The following CPEB1 variants were observed in gnomAD, a reference collection of about 807,000 sequenced individuals.
CPEB1 encodes cytoplasmic polyadenylation element-binding protein 1.
CPEB1 carries 7 observed loss-of-function variants against 65.8 expected under a neutral mutation model. That is an observed-to-expected ratio of 0.11 (90% confidence interval 0.06 to 0.20). The LOEUF is 0.20. CPEB1 is among the 10% of genes least tolerant of loss of function. CPEB1 has a pLI of 1.00. For synonymous variants in CPEB1, 262 were observed against 260.0 expected (o/e 1.01, Z -0.08); for missense variants, 551 against 712.2 (o/e 0.77, Z 2.58).
chr15:82,581,478 C>T (rs1315918291), intron 3 of CPEB1, among the ~76,000 whole-genome samples: 1 of 152,142 alleles, frequency 6.6e-6, no homozygotes, highest in Non-Finnish European at 1.5e-5. Context: ...AGGAGAATTG[C>T]TGGATCATAT....
At chr15:82,644,020 G>T (rs898972854) in intron 1 of CPEB1, among the ~76,000 whole-genome samples, 1 of 152,160 alleles carries the variant, frequency 6.6e-6, no homozygotes, top group African/African-American at 2.4e-5. Flanking sequence ...CTGAAAAAAA[G>T]GAGCCTTTTG....
At position 82,618,399 on chromosome 15, in the gene CPEB1, GTA is replaced by G. The variant is rs142735331; in HGVS notation, c.271+8792_271+8793del. On this transcript the variant is annotated intron_variant, in intron 3 of 12. Coordinates refer to ENST00000684509, the MANE Select transcript of CPEB1 (RefSeq NM_001365242.1). ...TGACAAATGCACAATACGTATGTAT[GTA>G]TATATGAGACAGAATATGTATATTC... 8.0e-3 allele frequency among the ~76,000 whole-genome samples: 1,211 copies of G among 152,264 alleles called. 18 individuals carry two copies. Among genetic ancestry groups the G allele is most frequent in the African/African-American group, 0.027 (1,109 of 41,546 alleles).
chr15:82,577,606 C>G (rs2040804804), intron 3 of CPEB1, among the ~76,000 whole-genome samples: 1 of 152,060 alleles, frequency 6.6e-6, no homozygotes, highest in Non-Finnish European at 1.5e-5. Flanking sequence ...GACTAGACTT[C>G]CAGGTTTAAG....
Position 82,553,552 on chromosome 15 carries a change from T to C in CPEB1, c.1059A>G (p.Gly353=), listed in dbSNP as rs201454242. Reference sequence around the variant, plus strand: ...CAAAAACACGGAAGGTGTTAACTAATCCAGCTGCAAAGAGACAGAAAAGAA... The same window carrying C: ...CAAAAACACGGAAGGTGTTAACTAACCCAGCTGCAAAGAGACAGAAAAGAA... ...GGVPWDITEA[G]LVNTFRVFGS... The change falls in exon 8 of 13, where the codon GGA becomes GGG. Residue 353 remains glycine (G), a synonymous_variant. Coordinates refer to ENST00000684509, the MANE Select transcript of CPEB1 (RefSeq NM_001365242.1). The C allele has an allele frequency of 4.0e-5, 65 of 1,610,392 alleles. No individual in the cohort carries two copies. Among genetic ancestry groups the C allele is most frequent in the Admixed American group, 6.7e-5 (4 of 59,750 alleles).
At chr15:82,646,108 C>T (rs887857999) in intron 1 of CPEB1, among the ~76,000 whole-genome samples, 4 of 152,152 alleles carry the variant, frequency 2.6e-5, no homozygotes, top group African/African-American at 9.7e-5. Flanking sequence ...TTGAGGTTTC[C>T]AAGGTTGGGT....
At chr15:82,606,912 C>T (rs1052152809) in intron 3 of CPEB1, among the ~76,000 whole-genome samples, 15 of 151,618 alleles carry the variant, frequency 9.9e-5, no homozygotes, top group African/African-American at 3.6e-4. Flanking sequence ...GTGGGAAGAT[C>T]ACTTAAGGCC....
chr15:82,613,972 T>TGCCGGCAAGCC (rs1304509357), intron 3 of CPEB1, among the ~76,000 whole-genome samples: 3 of 151,796 alleles, frequency 2.0e-5, no homozygotes, highest in Non-Finnish European at 4.4e-5. Context: ...TCTGAGTCCC[T>TGCCGGCAAGCC]GCCGGCAAGC....
chr15:82,627,284 A>G lies in CPEB1; in HGVS notation c.180T>C (p.Phe60=). The G allele has an allele frequency of 6.2e-7, 1 of 1,613,794 alleles. No individual in the cohort carries two copies. The highest frequency in any genetic ancestry group is 8.5e-7 in the Non-Finnish European group (1 of 1,179,736). ...ALSTCSNANI[F]RRINAILDNS... ...TATCCAATATGGCATTTATCCTTCGAAAGATATTGGCATTACTACACGTGG... is the reference window on the plus strand; with the variant it reads ...TATCCAATATGGCATTTATCCTTCGGAAGATATTGGCATTACTACACGTGG... Residue 60 remains phenylalanine (F), a synonymous_variant, in exon 3 of 13, where the codon TTT becomes TTC. Coordinates refer to ENST00000684509, the MANE Select transcript of CPEB1 (RefSeq NM_001365242.1).
At chr15:82,638,482 A>T (rs1406235886) in intron 1 of CPEB1, 2 of 152,370 alleles carry the variant, frequency 1.3e-5, no homozygotes, top group East Asian at 3.9e-4. Context: ...GTCTTCCAAA[A>T]TTCTTATTTT....
At chr15:82,631,974 T>C (rs1272257252) in intron 1 of CPEB1, among the ~76,000 whole-genome samples, 1 of 115,908 alleles carries the variant, frequency 8.6e-6, no homozygotes, top group Non-Finnish European at 1.7e-5. Flanking sequence ...ATTCATTTAT[T>C]TTTTTCTCTT....
chr15:82,573,333 G>A (rs2040293148), intron 3 of CPEB1: 2 of 647,892 alleles, frequency 3.1e-6, no homozygotes, highest in East Asian at 6.0e-5. Context: ...GTTTGTCAAA[G>A]CCTTGTTCAT....
intron 3 of CPEB1, among the ~76,000 whole-genome samples, chr15:82,611,700 G>A (rs1466000704): frequency 1.3e-5 from 2 of 151,590 alleles, no homozygotes; most frequent in South Asian, 4.2e-4. Flanking sequence ...AAGAAATCAC[G>A]TCTCAAAAAA....
intron 3 of CPEB1, among the ~76,000 whole-genome samples, chr15:82,573,456 C>T (rs74910896): frequency 0.012 from 1,851 of 152,170 alleles, 34 homozygotes; most frequent in African/African-American, 0.041. Context: ...ATACTTTAGA[C>T]TTCACCCATA....
Position 82,544,280 on chromosome 15 carries a change from T to TTTG in CPEB1, c.*311_*312insCAA. ...TACCTTCTGGACACGTAGTTTTTTT[T>TTTG]TTTTTTTTTTTTTTCCCCGCTTTTC... On this transcript the variant is annotated 3_prime_UTR_variant, in exon 13 of 13. Coordinates refer to ENST00000684509, the MANE Select transcript of CPEB1 (RefSeq NM_001365242.1). The TTTG allele has an allele frequency of 4.5e-6, 1 of 223,794 alleles. No homozygotes were observed. The highest frequency in any genetic ancestry group is 8.7e-6 in the Non-Finnish European group (1 of 114,434). The allele number at this position is 223,794 out of a possible 1,614,324, so 13.9% of individuals were successfully genotyped here. A position where few individuals can be genotyped will look rare whatever the true frequency, so the allele number is the denominator to read the frequency against.
intron 5 of CPEB1, among the ~76,000 whole-genome samples, chr15:82,556,762 A>G (rs1177842900): frequency 6.6e-6 from 1 of 152,214 alleles, no homozygotes; most frequent in African/African-American, 2.4e-5. Context: ...CATTTTACAG[A>G]AGAGGTAACT....
At chr15:82,633,736 T>G (rs550713431) in intron 1 of CPEB1, among the ~76,000 whole-genome samples, 1 of 152,288 alleles carries the variant, frequency 6.6e-6, no homozygotes, top group South Asian at 2.1e-4. Flanking sequence ...GAGCTGACAC[T>G]CCTATCATGA....
intron 3 of CPEB1, among the ~76,000 whole-genome samples, chr15:82,586,451 T>G (rs1435231619): frequency 1.3e-5 from 2 of 152,200 alleles, no homozygotes; most frequent in Admixed American, 1.3e-4. Flanking sequence ...CTTTAAACTC[T>G]AGACTATTTA....
intron 3 of CPEB1, among the ~76,000 whole-genome samples, chr15:82,590,089 A>G (rs2042102676): frequency 6.6e-6 from 1 of 152,084 alleles, no homozygotes; most frequent in Non-Finnish European, 1.5e-5. Context: ...TTTCTACAGG[A>G]GAGCAGACAC....
At chr15:82,601,107 C>T (rs55657395) in intron 3 of CPEB1, among the ~76,000 whole-genome samples, 4 of 150,484 alleles carry the variant, frequency 2.7e-5, no homozygotes, top group South Asian at 2.1e-4. Context: ...GGTTTCGTCA[C>T]GTTGGTCAGG....
Sources: allele counts gnomAD v4.1 joint callset (sites outside exome capture counted in the v4.1 genomes callset), GRCh38; gene constraint gnomAD v4.1.1; transcripts MANE v1.5; gene names NCBI Gene and HGNC (gene_info 2026-07-23, HGNC 2026-07-21).